Variants in WWOX observed in about 807,000 individuals in gnomAD.
WWOX encodes the protein WW domain containing oxidoreductase, also known as WW domain-containing oxidoreductase.
In WWOX, 69 loss-of-function variants were observed where a neutral mutation model predicts 46.2. The observed-to-expected ratio is 1.49, with a 90% CI of 1.23 to 1.82. The LOEUF is 1.82. Ranked by LOEUF, WWOX falls within the 40% of genes most tolerant of loss-of-function variation. The probability of loss-of-function intolerance (pLI) is 0.00; values close to 1 mark genes in which losing one functional copy is unlikely to be tolerated. For synonymous variants in WWOX, 359 were observed against 202.6 expected (o/e 1.77, Z -6.56); for missense variants, 919 against 542.6 (o/e 1.69, Z -6.89).
intron 6 of WWOX, among the ~76,000 whole-genome samples, chr16:78,423,211 TTCTA>T (rs762396080): frequency 1.3e-5 from 2 of 152,138 alleles, no homozygotes; most frequent in East Asian, 1.9e-4. Flanking sequence ...TCCATAACCT[TTCTA>T]TCTCTTTCTT....
chr16:78,815,613 G>A (rs948831854), intron 8 of WWOX, among the ~76,000 whole-genome samples: 1 of 152,190 alleles, frequency 6.6e-6, no homozygotes, highest in Non-Finnish European at 1.5e-5. Flanking sequence ...GGGGGCAGAG[G>A]GAGTCTCTCT....
chr16:78,819,779 A>G (rs779066208), intron 8 of WWOX, among the ~76,000 whole-genome samples: 1 of 152,178 alleles, frequency 6.6e-6, no homozygotes, highest in Non-Finnish European at 1.5e-5. Flanking sequence ...AGCTCACAGC[A>G]TTTTCATCCG....
intron 8 of WWOX, among the ~76,000 whole-genome samples, chr16:79,112,670 T>G (rs1435688644): frequency 6.6e-6 from 1 of 152,232 alleles, no homozygotes; most frequent in African/African-American, 2.4e-5. Context: ...TGTTTGCACA[T>G]CATTTAAATA....
chr16:78,579,012 A>G (rs1042850177), intron 8 of WWOX, among the ~76,000 whole-genome samples: 15 of 152,316 alleles, frequency 9.8e-5, no homozygotes, highest in Admixed American at 2.0e-4. Context: ...TACATTATAC[A>G]TCTTAGGCAT....
chr16:78,794,105 A>C (rs1453409105), intron 8 of WWOX, among the ~76,000 whole-genome samples: 3 of 152,052 alleles, frequency 2.0e-5, no homozygotes, highest in Non-Finnish European at 4.4e-5. Flanking sequence ...TTGGGAGATG[A>C]TTTGGACATG....
intron 8 of WWOX, among the ~76,000 whole-genome samples, chr16:78,497,406 C>G (rs2084944076): frequency 6.6e-6 from 1 of 152,160 alleles, no homozygotes; most frequent in Non-Finnish European, 1.5e-5. Flanking sequence ...CACTGGTCTG[C>G]ACAATGAGTG....
Position 78,710,473 on chromosome 16 carries a change from C to CATATATATATATATATATATATTTAT in WWOX, c.1056+277743_1056+277744insTTATATATATATATATATATATATAT, listed in dbSNP as rs1555520957. On this transcript the variant is annotated intron_variant, in intron 8 of 8. Coordinates refer to ENST00000566780, the MANE Select transcript of WWOX (RefSeq NM_016373.4). Reference sequence around the variant, plus strand: ...TGATGCAATTAAAGCTAATGGATCTCATATATATATATATATATATATATA... The same window carrying CATATATATATATATATATATATTTAT: ...TGATGCAATTAAAGCTAATGGATCTCATATATATATATATATATATATTTATATATATATATATATATATATATATA... Among the ~76,000 whole-genome samples, 40 of 63,612 alleles carry CATATATATATATATATATATATTTAT rather than the reference C, an allele frequency of 6.3e-4. 1 individual carries two copies. The highest frequency in any genetic ancestry group is 1.1e-3 in the South Asian group (2 of 1,870). The allele number at this position is 63,612 out of a possible 152,430, so 41.7% of individuals were successfully genotyped here.
rs185337041 is a variant in WWOX at position 78,901,894 on chromosome 16, G to A, written c.1057-309714G>A. Among the ~76,000 whole-genome samples, 179 of 152,330 alleles carry A rather than the reference G, an allele frequency of 1.2e-3. 1 individual carries two copies. The highest frequency in any genetic ancestry group is 4.0e-3 in the African/African-American group (166 of 41,578). On this transcript the variant is annotated intron_variant, in intron 8 of 8. Coordinates refer to ENST00000566780, the MANE Select transcript of WWOX (RefSeq NM_016373.4). Reference sequence around the variant, plus strand: ...ACGGGCCTCTCCTACAAATCTGAGTGTACATCAAGTGAGGGGCGTCCCTCC... The same window carrying A: ...ACGGGCCTCTCCTACAAATCTGAGTATACATCAAGTGAGGGGCGTCCCTCC...
In WWOX at chr16:78,672,015, T is replaced by C. The variant is rs1027319018; in HGVS notation, c.1056+239263T>C. On this transcript the variant is annotated intron_variant, in intron 8 of 8. Coordinates refer to ENST00000566780, the MANE Select transcript of WWOX (RefSeq NM_016373.4). ...GCAAAAGCAGGAACATCATCTGCTT[T>C]TGGGTAGTTAAGAGTTAAGTATCAC... Among the ~76,000 whole-genome samples the C allele has an allele frequency of 2.6e-5, 4 of 152,268 alleles. No homozygotes were observed. The East Asian group carries it at 7.7e-4, about 29-fold the overall frequency.
intron 8 of WWOX, among the ~76,000 whole-genome samples, chr16:78,911,994 C>A (rs1028216620): frequency 6.6e-6 from 1 of 152,030 alleles, no homozygotes; most frequent in Non-Finnish European, 1.5e-5. Context: ...GTGAACCTTA[C>A]CCAGAAAAAT....
intron 4 of WWOX, among the ~76,000 whole-genome samples, chr16:78,125,262 G>A (rs951667597): frequency 3.3e-5 from 5 of 152,120 alleles, no homozygotes; most frequent in Admixed American, 2.6e-4. Flanking sequence ...GTGAGGTAAC[G>A]TGCTTGAGAT....
intron 8 of WWOX, among the ~76,000 whole-genome samples, chr16:78,735,719 A>T (rs1287011128): frequency 6.6e-6 from 1 of 152,138 alleles, no homozygotes; most frequent in Non-Finnish European, 1.5e-5. Context: ...TACTAGTTCT[A>T]TGTCAATGAT....
intron 4 of WWOX, among the ~76,000 whole-genome samples, chr16:78,122,885 A>G (rs1338945551): frequency 2.0e-5 from 3 of 152,164 alleles, no homozygotes; most frequent in Non-Finnish European, 4.4e-5. Context: ...GATTACAGAC[A>G]CTAGCCACCA....
In WWOX at chr16:78,864,122, C is replaced by T. The variant is rs545039687; in HGVS notation, c.1057-347486C>T. 3.0e-4 allele frequency among the ~76,000 whole-genome samples: 45 copies of T among 152,216 alleles called. 1 individual carries two copies. Among genetic ancestry groups the T allele is most frequent in the African/African-American group, 9.2e-4 (38 of 41,526 alleles). On this transcript the variant is annotated intron_variant, in intron 8 of 8. Coordinates refer to ENST00000566780, the MANE Select transcript of WWOX (RefSeq NM_016373.4). ...CTTAGGGATATGTATTTATATCAAG[C>T]CAAACTACCTACCTAACCACCTACC...
chr16:78,902,792 C>A (rs188258579), intron 8 of WWOX, among the ~76,000 whole-genome samples: 3 of 152,190 alleles, frequency 2.0e-5, no homozygotes, highest in Non-Finnish European at 2.9e-5. Flanking sequence ...GTTGTGCTTT[C>A]CTCTGCCCTG....
chr16:78,210,486 C>T (rs1029144969), intron 5 of WWOX, among the ~76,000 whole-genome samples: 21 of 152,066 alleles, frequency 1.4e-4, no homozygotes, highest in Admixed American at 9.2e-4. Flanking sequence ...CACACACACG[C>T]GCGTGCACAC....
chr16:79,180,570 C>G (rs117685124), intron 8 of WWOX, among the ~76,000 whole-genome samples: 2 of 152,254 alleles, frequency 1.3e-5, no homozygotes, highest in African/African-American at 4.8e-5. Flanking sequence ...AAATAGGAAC[C>G]TTAGAAACCC....
intron 4 of WWOX, among the ~76,000 whole-genome samples, chr16:78,163,098 C>T (rs77687699): frequency 0.012 from 1,800 of 152,188 alleles, 28 homozygotes; most frequent in African/African-American, 0.026. Flanking sequence ...TCCATTTGTT[C>T]CCCTCTGGCT....
At chr16:78,894,783 C>A (rs1396247349) in intron 8 of WWOX, among the ~76,000 whole-genome samples, 1 of 152,124 alleles carries the variant, frequency 6.6e-6, no homozygotes, top group Non-Finnish European at 1.5e-5. Flanking sequence ...AGATGTTTAT[C>A]ATATGAAGTT....
Sources: gnomAD v4.1 joint callset for allele counts (sites outside exome capture counted in the v4.1 genomes callset) on GRCh38, gnomAD v4.1.1 for gene constraint, MANE v1.5 for transcripts, NCBI Gene and HGNC (gene_info 2026-07-23, HGNC 2026-07-21) for gene names.